The following CDK14 variants were observed in gnomAD, a reference collection of about 807,000 sequenced individuals.
The protein encoded by CDK14 is cyclin-dependent kinase 14.
Under a neutral mutation model 60.7 loss-of-function variants are expected in CDK14, and 34 were observed. The observed-to-expected ratio is 0.56, with a 90% CI of 0.43 to 0.75. CDK14 has a LOEUF of 0.75. Among genes scored for constraint, CDK14 ranks in the 30% least tolerant of loss-of-function variants. CDK14 has a pLI of 0.00. For missense variants in CDK14, 482 were observed against 564.1 expected (o/e 0.85, Z 1.47); for synonymous variants, 197 against 203.7 (o/e 0.97, Z 0.28).
intron 5 of CDK14, among the ~76,000 whole-genome samples, chr7:90,792,116 G>A (rs980341854): frequency 6.6e-6 from 1 of 151,396 alleles, no homozygotes; most frequent in Non-Finnish European, 1.5e-5. Flanking sequence ...TGGCCAGGCT[G>A]GTCTCGAACT....
At chr7:90,610,141 A>G (rs1301697956) in intron 2 of CDK14, among the ~76,000 whole-genome samples, 1 of 152,072 alleles carries the variant, frequency 6.6e-6, no homozygotes, top group Non-Finnish European at 1.5e-5. Context: ...CTCATAGTCC[A>G]TAACCCATTC....
chr7:90,600,667 G>C (rs1799296915), intron 1 of CDK14, among the ~76,000 whole-genome samples: 3 of 152,232 alleles, frequency 2.0e-5, no homozygotes, highest in Non-Finnish European at 2.9e-5. Context: ...AGAAATATAA[G>C]GTTAAATGTT....
In CDK14 at chr7:90,633,190, C is replaced by T. The variant is rs184948276; in HGVS notation, c.123+28941C>T. Among the ~76,000 whole-genome samples, 276 of 151,804 alleles carry T rather than the reference C, an allele frequency of 1.8e-3. 1 individual carries two copies. Among genetic ancestry groups the T allele is most frequent in the African/African-American group, 6.1e-3 (253 of 41,378 alleles). On this transcript the variant is annotated intron_variant, in intron 2 of 14. Coordinates refer to ENST00000380050, the MANE Select transcript of CDK14 (RefSeq NM_001287135.2). Reference sequence around the variant, plus strand: ...AAATTAATGAAAATGTGTTCATTTACGTAAGTATGGAGACTTTTGCATTTT... The same window carrying T: ...AAATTAATGAAAATGTGTTCATTTATGTAAGTATGGAGACTTTTGCATTTT...
intron 5 of CDK14, among the ~76,000 whole-genome samples, chr7:90,815,850 A>G (rs1181421564): frequency 6.6e-6 from 1 of 152,056 alleles, no homozygotes; most frequent in African/African-American, 2.4e-5. Context: ...TCTCACTCAT[A>G]AGTGGGAGTT....
chr7:91,167,195 A>G (rs1275296334), intron 14 of CDK14, among the ~76,000 whole-genome samples: 2 of 152,226 alleles, frequency 1.3e-5, no homozygotes, highest in Admixed American at 6.5e-5. Context: ...CAACACACAG[A>G]CAAAATGGAA....
intron 6 of CDK14, among the ~76,000 whole-genome samples, chr7:90,871,083 G>A (rs1463214927): frequency 6.6e-6 from 1 of 152,112 alleles, no homozygotes; most frequent in East Asian, 1.9e-4. Context: ...GGAGGGCATT[G>A]TCCTTGTCCT....
intron 11 of CDK14, among the ~76,000 whole-genome samples, chr7:91,054,781 G>T (rs1202132613): frequency 6.6e-6 from 1 of 152,148 alleles, no homozygotes. Context: ...CTAGAGAGGG[G>T]ACTAATAATA....
chr7:90,788,112 T>C (rs1165673406), intron 4 of CDK14, among the ~76,000 whole-genome samples: 3 of 152,140 alleles, frequency 2.0e-5, no homozygotes, highest in African/African-American at 7.2e-5. Context: ...ATATAAAAGT[T>C]AACGCTCTCA....
At chr7:91,207,103 A>G (rs1271811144) in intron 14 of CDK14, 62 bp from the exon 15 acceptor site, 2 of 152,114 alleles carry the variant, frequency 1.3e-5, no homozygotes, top group African/African-American at 4.8e-5. Flanking sequence ...GTTTCATGTA[A>G]TTTAGAAGAA....
intron 2 of CDK14, among the ~76,000 whole-genome samples, chr7:90,710,788 G>A (rs545031089): frequency 6.6e-6 from 1 of 152,140 alleles, no homozygotes; most frequent in South Asian, 2.1e-4. Flanking sequence ...TGAGAGATAG[G>A]AATGTAAACC....
intron 14 of CDK14, among the ~76,000 whole-genome samples, chr7:91,200,588 T>C (rs1396441503): frequency 6.6e-6 from 1 of 152,178 alleles, no homozygotes; most frequent in Non-Finnish European, 1.5e-5. Flanking sequence ...ATAAATTCTT[T>C]AAACAGTTAC....
chr7:90,828,815 T>C (rs1237255916), intron 5 of CDK14, among the ~76,000 whole-genome samples: 3 of 152,240 alleles, frequency 2.0e-5, no homozygotes, highest in East Asian at 3.8e-4. Context: ...GTATCCTGTA[T>C]GTGGCAGAGC....
At chr7:91,134,718 A>G (rs43006) in intron 14 of CDK14, among the ~76,000 whole-genome samples, 40,202 of 151,802 alleles carry the variant, frequency 0.26, 5,642 homozygotes, top group African/African-American at 0.35. Context: ...TACTAAAAAT[A>G]TATACATTAG....
chr7:91,015,055 T>C (rs941707572), intron 10 of CDK14, among the ~76,000 whole-genome samples: 3 of 152,220 alleles, frequency 2.0e-5, no homozygotes, highest in Non-Finnish European at 4.4e-5. Flanking sequence ...ATGTAATAGA[T>C]AATATTCTGT....
Position 90,621,761 on chromosome 7 carries a change from G to GT in CDK14, c.123+17518dup, listed in dbSNP as rs1276782120. On this transcript the variant is annotated intron_variant, in intron 2 of 14. Transcript: ENST00000380050. ...CATGGGGATGGGATTTATCTTAAATGTTTTTTCTGTATGGACCTTATTTAA... is the reference window on the plus strand; with the variant it reads ...CATGGGGATGGGATTTATCTTAAATGTTTTTTTCTGTATGGACCTTATTTAA... Among the ~76,000 whole-genome samples, 4 of 151,812 alleles carry GT rather than the reference G, an allele frequency of 2.6e-5. No individual in the cohort carries two copies. The South Asian group carries it at 6.2e-4, about 24-fold the overall frequency.
At chr7:91,125,779 CA>C (rs1481217838) in intron 14 of CDK14, among the ~76,000 whole-genome samples, 19 of 152,096 alleles carry the variant, frequency 1.2e-4, no homozygotes, top group Admixed American at 4.6e-4. Context: ...CTGTTAACCT[CA>C]ATATTGGGGT....
intron 5 of CDK14, among the ~76,000 whole-genome samples, chr7:90,796,079 C>T (rs1041826707): frequency 3.9e-5 from 6 of 152,070 alleles, no homozygotes; most frequent in Admixed American, 3.9e-4. Context: ...TGAGACCTGG[C>T]TTTGACTGGC....
At chr7:91,040,674 G>GT (rs1797063787) in intron 10 of CDK14, among the ~76,000 whole-genome samples, 2 of 152,194 alleles carry the variant, frequency 1.3e-5, no homozygotes, top group Admixed American at 6.5e-5. Context: ...GTGTGAGCCA[G>GT]TTTTGTGTCC....
At chr7:90,999,600 A>G (rs1436662397) in intron 10 of CDK14, among the ~76,000 whole-genome samples, 6 of 152,072 alleles carry the variant, frequency 3.9e-5, no homozygotes, top group Non-Finnish European at 8.8e-5. Flanking sequence ...AAACAAAACA[A>G]AAACCTGTCA....
Sources: allele counts gnomAD v4.1 joint callset (sites outside exome capture counted in the v4.1 genomes callset), GRCh38; gene constraint gnomAD v4.1.1; transcripts MANE v1.5; gene names NCBI Gene and HGNC (gene_info 2026-07-23, HGNC 2026-07-21).